Variants in RARB observed in about 807,000 individuals in gnomAD.
RARB encodes the protein retinoic acid receptor beta, also known as HBV-activated protein.
Under a neutral mutation model 51.9 loss-of-function variants are expected in RARB, and 17 were observed. That is an observed-to-expected ratio of 0.33 (90% confidence interval 0.22 to 0.49). The LOEUF is 0.49. Among genes scored for constraint, RARB ranks in the 20% least tolerant of loss-of-function variants. The probability of loss-of-function intolerance (pLI) is 0.99; values close to 1 mark genes in which losing one functional copy is unlikely to be tolerated. For synonymous variants in RARB, 215 were observed against 195.4 expected (o/e 1.10, Z -0.84); for missense variants, 369 against 550.8 (o/e 0.67, Z 3.30).
chr3:25,260,653 TC>T (rs368874323), intron 5 of RARB, among the ~76,000 whole-genome samples: 78 of 152,196 alleles, frequency 5.1e-4, no homozygotes, highest in African/African-American at 1.8e-3. Flanking sequence ...GGGTCCCATC[TC>T]TTTTCCTCTA....
intron 3 of RARB, among the ~76,000 whole-genome samples, chr3:25,525,488 G>A (rs1020883562): frequency 6.6e-6 from 1 of 152,114 alleles, no homozygotes; most frequent in African/African-American, 2.4e-5. Flanking sequence ...ACATAGCTTC[G>A]GGCTCATGCC....
At chr3:25,200,147 G>A (rs1053238024) in intron 5 of RARB, among the ~76,000 whole-genome samples, 2 of 152,178 alleles carry the variant, frequency 1.3e-5, no homozygotes, top group African/African-American at 2.4e-5. Context: ...TCTAACTGGT[G>A]TGAGATGGTA....
chr3:25,453,750 T>A (rs1311030689), intron 1 of RARB, among the ~76,000 whole-genome samples: 2 of 152,146 alleles, frequency 1.3e-5, no homozygotes, highest in African/African-American at 4.8e-5. Context: ...TCGGCCAGGA[T>A]CCCTGGTGAC....
chr3:24,845,655 G>A (rs1314761469), intron 1 of RARB, among the ~76,000 whole-genome samples: 1 of 152,150 alleles, frequency 6.6e-6, no homozygotes, highest in Non-Finnish European at 1.5e-5. Context: ...ATGTACAGGT[G>A]GGAACAGCCC....
chr3:25,593,942 C>T (rs1417436356), intron 6 of RARB, among the ~76,000 whole-genome samples: 1 of 152,032 alleles, frequency 6.6e-6, no homozygotes, highest in African/African-American at 2.4e-5. Context: ...ACTCCAATTG[C>T]CACAGATTTT....
chr3:25,106,340 A>G (rs1471488922), intron 3 of RARB, among the ~76,000 whole-genome samples: 2 of 149,754 alleles, frequency 1.3e-5, no homozygotes, highest in African/African-American at 2.5e-5. Context: ...CAGTGGTGCA[A>G]TTGCAGCTCA....
At chr3:25,356,296 A>T (rs192718046) in intron 5 of RARB, among the ~76,000 whole-genome samples, 1 of 152,286 alleles carries the variant, frequency 6.6e-6, no homozygotes, top group East Asian at 1.9e-4. Flanking sequence ...AGAGTACAAA[A>T]GCTAATTTTA....
chr3:25,140,085 T>G (rs77983550), intron 4 of RARB, among the ~76,000 whole-genome samples: 2 of 81,482 alleles, frequency 2.5e-5, no homozygotes, highest in African/African-American at 4.2e-5. Context: ...AAGGACATGG[T>G]TTTTTTTTTG....
At chr3:25,402,663 G>A (rs1462569639) in intron 5 of RARB, among the ~76,000 whole-genome samples, 1 of 152,182 alleles carries the variant, frequency 6.6e-6, no homozygotes, top group East Asian at 1.9e-4. Context: ...CAACTTGGGT[G>A]GAACTGAAGG....
At chr3:24,966,109 TTTGG>T (rs1370253570) in intron 2 of RARB, among the ~76,000 whole-genome samples, 1 of 150,054 alleles carries the variant, frequency 6.7e-6, no homozygotes, top group African/African-American at 2.5e-5. Context: ...TTTTTTTTTT[TTTGG>T]TTATTTTAGC....
At chr3:25,274,494 C>T (rs1485455159) in intron 5 of RARB, among the ~76,000 whole-genome samples, 5 of 152,236 alleles carry the variant, frequency 3.3e-5, no homozygotes, top group Non-Finnish European at 4.4e-5. Flanking sequence ...CTCTCCTACT[C>T]GGGACTGCTG....
At chr3:25,200,075 A>G (rs555556873) in intron 5 of RARB, among the ~76,000 whole-genome samples, 14 of 152,208 alleles carry the variant, frequency 9.2e-5, no homozygotes, top group South Asian at 8.3e-4. Context: ...GTGTAAAAGT[A>G]TTCCTATTTC....
At chr3:24,958,274 T>TTTTTTTTG (rs1696065753) in intron 2 of RARB, among the ~76,000 whole-genome samples, 1 of 141,444 alleles carries the variant, frequency 7.1e-6, no homozygotes, top group East Asian at 2.1e-4. Flanking sequence ...TTTTTTTTTT[T>TTTTTTTTG]TTTTTTTTTT....
chr3:25,314,416 A>C (rs1003241719), intron 5 of RARB, among the ~76,000 whole-genome samples: 1 of 152,294 alleles, frequency 6.6e-6, no homozygotes, highest in Non-Finnish European at 1.5e-5. Context: ...ATCATTGTCA[A>C]TTGTGGGAAA....
intron 3 of RARB, among the ~76,000 whole-genome samples, chr3:25,063,248 T>C (rs951001035): frequency 1.3e-5 from 2 of 151,980 alleles, no homozygotes; most frequent in African/African-American, 2.4e-5. Flanking sequence ...TTGAGGAAAT[T>C]ATTTTATTCC....
At chr3:25,569,256 T>C (rs1700618273) in intron 3 of RARB, among the ~76,000 whole-genome samples, 1 of 152,234 alleles carries the variant, frequency 6.6e-6, no homozygotes, top group Non-Finnish European at 1.5e-5. Context: ...CCTTATCTCC[T>C]CTCAGATGAG....
At chr3:25,433,757 A>G (rs930587058) in intron 1 of RARB, among the ~76,000 whole-genome samples, 7 of 152,154 alleles carry the variant, frequency 4.6e-5, no homozygotes, top group Admixed American at 1.3e-4. Flanking sequence ...TCATCAGTCA[A>G]TATGTTGCTC....
chr3:25,040,390 T>C (rs9866836), intron 2 of RARB, among the ~76,000 whole-genome samples: 1 of 152,036 alleles, frequency 6.6e-6, no homozygotes, highest in African/African-American at 2.4e-5. Flanking sequence ...TATGGTTTCT[T>C]TTACATTATG....
intron 3 of RARB, among the ~76,000 whole-genome samples, chr3:25,527,930 T>C (rs1243281195): frequency 6.6e-6 from 1 of 152,196 alleles, no homozygotes; most frequent in Middle Eastern, 3.2e-3. Flanking sequence ...ACTCAAAGCA[T>C]AATGAGTGCT....
Sources: gnomAD v4.1 joint callset for allele counts (sites outside exome capture counted in the v4.1 genomes callset) on GRCh38, gnomAD v4.1.1 for gene constraint, MANE v1.5 for transcripts, NCBI Gene and HGNC (gene_info 2026-07-23, HGNC 2026-07-21) for gene names.